ADAM29: variants seen among roughly 807,000 people sequenced by gnomAD.
ADAM29 encodes ADAM metallopeptidase domain 29, also known as disintegrin and metalloproteinase domain-containing protein 29.
For synonymous variants in ADAM29, 367 were observed against 342.3 expected, an observed-to-expected ratio of 1.07 and a Z score of -0.80; for missense variants, 969 against 1,001.8, an observed-to-expected ratio of 0.97 and a Z score of 0.44.
intron 4 of ADAM29, among the ~76,000 whole-genome samples, chr4:174,952,819 C>T (rs1017957664): frequency 2.0e-5 from 3 of 152,000 alleles, no homozygotes; most frequent in Admixed American, 2.0e-4. Flanking sequence ...GCATAGTACC[C>T]GGGGGCAAAA....
At chr4:174,970,236 C>T (rs530105896) in intron 4 of ADAM29, among the ~76,000 whole-genome samples, 14 of 152,110 alleles carry the variant, frequency 9.2e-5, no homozygotes, top group Admixed American at 3.3e-4. Flanking sequence ...TCCCTGAAAC[C>T]GACAAAGATT....
chr4:174,934,523 C>T (rs1027720197), intron 3 of ADAM29, among the ~76,000 whole-genome samples: 1 of 152,040 alleles, frequency 6.6e-6, no homozygotes, highest in African/African-American at 2.4e-5. Flanking sequence ...CAATTGCAAT[C>T]ATAATCTTAA....
At chr4:174,920,451 G>A (rs1363281741) in intron 1 of ADAM29, among the ~76,000 whole-genome samples, 3 of 151,954 alleles carry the variant, frequency 2.0e-5, no homozygotes, top group Non-Finnish European at 4.4e-5. Flanking sequence ...GAAGCTCATG[G>A]CCCCCTAACC....
chr4:174,929,745 ATC>A (rs966325887), intron 2 of ADAM29, among the ~76,000 whole-genome samples: 6 of 120,136 alleles, frequency 5.0e-5, no homozygotes, highest in Non-Finnish European at 9.8e-5. Flanking sequence ...TATCTCTCAC[ATC>A]TCTCTCTCTT....
Position 174,977,698 on chromosome 4 carries a change from C to T in ADAM29, c.2173C>T (p.Pro725Ser), listed in dbSNP as rs533510763. The T allele has an allele frequency of 1.2e-6, 2 of 1,614,266 alleles. No homozygotes were observed. The highest frequency in any genetic ancestry group is 2.2e-5 in the East Asian group (1 of 44,884). ...AKEEEKIQRR[P>S]HELPPQSQPW... ...AGAAGAGGAAAAAATTCAGCGTCGA[C>T]CTCATGAGTTACCTCCCCAGAGTCA... Residue 725 changes from proline to serine, a missense_variant, in exon 5 of 5, where the codon CCT becomes TCT. Transcript: ENST00000359240.
intron 2 of ADAM29, among the ~76,000 whole-genome samples, chr4:174,922,171 A>C (rs1743199500): frequency 6.6e-6 from 1 of 152,248 alleles, no homozygotes; most frequent in Non-Finnish European, 1.5e-5. Context: ...GAACATTAAT[A>C]AGCATAATGT....
intron 4 of ADAM29, among the ~76,000 whole-genome samples, chr4:174,948,131 T>C (rs552894964): frequency 2.0e-4 from 30 of 152,332 alleles, no homozygotes; most frequent in African/African-American, 7.2e-4. Context: ...ATCTTGATGA[T>C]CCATCTACCT....
chr4:174,966,568 T>C (rs1746171257), intron 4 of ADAM29, among the ~76,000 whole-genome samples: 1 of 152,190 alleles, frequency 6.6e-6, no homozygotes, highest in Non-Finnish European at 1.5e-5. Context: ...CTCAAGGTAG[T>C]CCAAAACCTA....
At chr4:174,928,684 G>T (rs1416453894) in intron 2 of ADAM29, among the ~76,000 whole-genome samples, 1 of 151,942 alleles carries the variant, frequency 6.6e-6, no homozygotes, top group Non-Finnish European at 1.5e-5. Flanking sequence ...CAAAAGATGG[G>T]ACAGTTTTTA....
At chr4:174,935,615 G>A (rs531161897) in intron 3 of ADAM29, among the ~76,000 whole-genome samples, 8 of 152,114 alleles carry the variant, frequency 5.3e-5, no homozygotes, top group Admixed American at 1.3e-4. Context: ...CCATATTTAC[G>A]AAATAGGCAA....
Position 174,931,074 on chromosome 4 carries a change from C to T in ADAM29, c.-362C>T, listed in dbSNP as rs1170972572. 6.6e-6 allele frequency: 1 copy of T among 152,118 alleles called. No individual in the cohort carries two copies. The highest frequency in any genetic ancestry group is 1.5e-5 in the Non-Finnish European group (1 of 68,036). 9.4% of individuals were successfully genotyped at this position (152,118 alleles called of 1,614,324 possible). The stretch of plus-strand genomic sequence containing the variant: ...TCATAGTGCATAACTCGTCAATACT[C>T]CTGTGATCGTATAACCATCAGCAAG... On this transcript the variant is annotated 5_prime_UTR_variant, in exon 3 of 5. Coordinates refer to ENST00000359240, the MANE Select transcript of ADAM29 (RefSeq NM_014269.4).
intron 4 of ADAM29, among the ~76,000 whole-genome samples, chr4:174,969,321 A>C (rs1402561311): frequency 6.6e-6 from 1 of 151,786 alleles, no homozygotes; most frequent in African/African-American, 2.4e-5. Flanking sequence ...AGAACCAAAA[A>C]CAAAGTAAAA....
rs1746817167 is a variant in ADAM29, at chr4:174,976,574, C to G, written c.1049C>G (p.Ser350Ter). Residue 350 changes from serine to a stop codon, truncating the protein, a stop_gained, in exon 5 of 5, where the codon TCA becomes TGA. Transcript: ENST00000359240. LOFTEE classifies it low-confidence loss of function (END_TRUNC). ...CATGATGAGGATACATGTCGTTGTT[C>G]ACAACCTAGATGCATAATGCATGAA... ...MNHDEDTCRC[S>*]QPRCIMHEGN... 1 of 1,601,088 alleles carries G rather than the reference C, an allele frequency of 6.2e-7. No individual in the cohort carries two copies. Among genetic ancestry groups the G allele is most frequent in the Non-Finnish European group, 8.5e-7 (1 of 1,173,778 alleles).
At chr4:174,928,754 T>A (rs540120334) in intron 2 of ADAM29, among the ~76,000 whole-genome samples, 1 of 152,150 alleles carries the variant, frequency 6.6e-6, no homozygotes, top group East Asian at 1.9e-4. Flanking sequence ...GCCATCTGTG[T>A]TTGCTAATAC....
At chr4:174,926,721 C>CAAAAAAAAAA (rs34308315) in intron 2 of ADAM29, among the ~76,000 whole-genome samples, 1 of 107,620 alleles carries the variant, frequency 9.3e-6, no homozygotes, top group African/African-American at 3.1e-5. Context: ...AGACCATGTC[C>CAAAAAAAAAA]AAAAAAAAAA....
chr4:174,920,208 C>T (rs1281523928), intron 1 of ADAM29, among the ~76,000 whole-genome samples: 1 of 152,124 alleles, frequency 6.6e-6, no homozygotes, highest in Admixed American at 6.5e-5. Context: ...ATCCTACTTT[C>T]CTAAGCTGAA....
chr4:174,964,567 T>G (rs1273949778), intron 4 of ADAM29, among the ~76,000 whole-genome samples: 1 of 152,078 alleles, frequency 6.6e-6, no homozygotes, highest in Admixed American at 6.6e-5. Flanking sequence ...GTACAGATTC[T>G]TAGGAGACCA....
chr4:174,958,933 T>G (rs1365933017), intron 4 of ADAM29, among the ~76,000 whole-genome samples: 1 of 151,746 alleles, frequency 6.6e-6, no homozygotes, highest in African/African-American at 2.4e-5. Flanking sequence ...GCTTCTGATG[T>G]TGCTGTCATC....
chr4:174,953,470 T>G (rs746861892), intron 4 of ADAM29, among the ~76,000 whole-genome samples: 3 of 152,202 alleles, frequency 2.0e-5, no homozygotes, highest in Non-Finnish European at 4.4e-5. Flanking sequence ...TGTTCAATTT[T>G]CACATCCTAC....
Sources: gnomAD v4.1 joint callset for allele counts (sites outside exome capture counted in the v4.1 genomes callset) on GRCh38, gnomAD v4.1.1 for gene constraint, MANE v1.5 for transcripts, NCBI Gene and HGNC (gene_info 2026-07-23, HGNC 2026-07-21) for gene names.